The following FGF14 variants were observed in gnomAD, a reference collection of about 807,000 sequenced individuals.
FGF14 encodes fibroblast growth factor homologous factor 4.
In FGF14, 5 loss-of-function variants were observed where a neutral mutation model predicts 25.5. The ratio of observed to expected loss-of-function variants is 0.20; its 90% CI spans 0.10 to 0.41. FGF14 has a LOEUF of 0.41. Among genes scored for constraint, FGF14 ranks in the 10% least tolerant of loss-of-function variants. The probability of loss-of-function intolerance (pLI) is 1.00; values close to 1 mark genes in which losing one functional copy is unlikely to be tolerated. For missense variants in FGF14, 222 were observed against 320.1 expected (o/e 0.69, Z 2.34); for synonymous variants, 138 against 118.3 (o/e 1.17, Z -1.08).
At chr13:101,764,029 C>T (rs1566871211) in intron 3 of FGF14, among the ~76,000 whole-genome samples, 1 of 152,096 alleles carries the variant, frequency 6.6e-6, no homozygotes, top group Non-Finnish European at 1.5e-5. Flanking sequence ...AAGTTAACCT[C>T]CCCAGAACAG....
intron 3 of FGF14, among the ~76,000 whole-genome samples, chr13:101,760,290 G>A (rs955799475): frequency 1.2e-4 from 18 of 152,136 alleles, no homozygotes; most frequent in African/African-American, 3.4e-4. Context: ...CTTACTCTAC[G>A]TTCACTGCTT....
intron 1 of FGF14, among the ~76,000 whole-genome samples, chr13:101,993,245 T>A (rs1470503311): frequency 6.7e-6 from 1 of 148,374 alleles, no homozygotes; most frequent in African/African-American, 2.5e-5. Context: ...GAATTCTATA[T>A]CCTGAAAAAT....
At chr13:102,199,090 G>T (rs1419438700) in intron 1 of FGF14, among the ~76,000 whole-genome samples, 2 of 152,180 alleles carry the variant, frequency 1.3e-5, no homozygotes, top group Non-Finnish European at 2.9e-5. Flanking sequence ...TTTAAAGTTT[G>T]TAAAGATGTG....
chr13:101,935,192 G>A (rs1276779404), intron 1 of FGF14, among the ~76,000 whole-genome samples: 3 of 152,192 alleles, frequency 2.0e-5, no homozygotes, highest in African/African-American at 7.2e-5. Flanking sequence ...ATGAGGCTTA[G>A]GCCAATGTAA....
At chr13:101,756,603 CAT>C (rs1173714206) in intron 3 of FGF14, among the ~76,000 whole-genome samples, 2 of 152,110 alleles carry the variant, frequency 1.3e-5, no homozygotes, top group East Asian at 3.9e-4. Context: ...TGCGGTGGCA[CAT>C]GCCTGTAATC....
chr13:101,947,061 C>T (rs1447769226), intron 1 of FGF14, among the ~76,000 whole-genome samples: 1 of 152,028 alleles, frequency 6.6e-6, no homozygotes, highest in Non-Finnish European at 1.5e-5. Context: ...AGAAGACATA[C>T]AAGTGGCTAG....
chr13:102,312,222 C>CAAAAA (rs34575465), intron 1 of FGF14, among the ~76,000 whole-genome samples: 5 of 96,956 alleles, frequency 5.2e-5, no homozygotes, highest in Non-Finnish European at 6.8e-5. Context: ...AGACCTAAAC[C>CAAAAA]AAAAAAAAAA....
rs182690505 is a variant in FGF14, at chr13:101,816,500, T to C, written c.408+52225A>G. Among the ~76,000 whole-genome samples, 275 of 152,236 alleles carry C rather than the reference T, an allele frequency of 1.8e-3. 1 individual carries two copies. The highest frequency in any genetic ancestry group is 6.2e-3 in the African/African-American group (259 of 41,550). Reference sequence around the variant, plus strand: ...AAATATAATTACCTGGGTCACTGTTTTGATCTGTGATTTAATAAAACAAAA... The same window carrying C: ...AAATATAATTACCTGGGTCACTGTTCTGATCTGTGATTTAATAAAACAAAA... On this transcript the variant is annotated intron_variant, in intron 3 of 4. Coordinates refer to ENST00000376143, the MANE Select transcript of FGF14 (RefSeq NM_004115.4).
intron 1 of FGF14, among the ~76,000 whole-genome samples, chr13:102,277,770 T>G (rs909659195): frequency 2.0e-5 from 3 of 152,248 alleles, no homozygotes; most frequent in African/African-American, 7.2e-5. Context: ...TGCCACATGT[T>G]GACATCCATT....
intron 1 of FGF14, among the ~76,000 whole-genome samples, chr13:102,326,097 T>A (rs975694386): frequency 6.6e-6 from 1 of 152,200 alleles, no homozygotes; most frequent in African/African-American, 2.4e-5. Flanking sequence ...TCACTATGAG[T>A]ATTGTTCAAT....
chr13:102,091,786 TAG>T (rs1478988339), intron 1 of FGF14, among the ~76,000 whole-genome samples: 1 of 152,098 alleles, frequency 6.6e-6, no homozygotes, highest in Non-Finnish European at 1.5e-5. Context: ...CACAATACCT[TAG>T]AGTTTCTTTT....
intron 1 of FGF14, among the ~76,000 whole-genome samples, chr13:102,191,280 T>C (rs985704071): frequency 7.2e-5 from 11 of 152,222 alleles, no homozygotes; most frequent in Admixed American, 2.0e-4. Flanking sequence ...GGTGAATGAA[T>C]TGTCCATAGG....
At chr13:101,969,359 C>A (rs942085222) in intron 1 of FGF14, among the ~76,000 whole-genome samples, 1 of 152,026 alleles carries the variant, frequency 6.6e-6, no homozygotes, top group Non-Finnish European at 1.5e-5. Context: ...GTCAGGAGAT[C>A]GAGACCATCC....
At chr13:101,825,278 T>G (rs1222472941) in intron 3 of FGF14, among the ~76,000 whole-genome samples, 4 of 152,130 alleles carry the variant, frequency 2.6e-5, no homozygotes, top group Admixed American at 2.6e-4. Context: ...ATCATAGGAC[T>G]CCCGTTTGTA....
At chr13:102,265,301 A>G (rs2052933594) in intron 1 of FGF14, among the ~76,000 whole-genome samples, 1 of 152,188 alleles carries the variant, frequency 6.6e-6, no homozygotes, top group Non-Finnish European at 1.5e-5. Context: ...GCTCAGAAAC[A>G]GAACTGCCAG....
chr13:102,132,141 G>T (rs1375616715), intron 1 of FGF14, among the ~76,000 whole-genome samples: 1 of 152,126 alleles, frequency 6.6e-6, no homozygotes, highest in East Asian at 1.9e-4. Context: ...GGTCTCCTAT[G>T]TGGGAATGGG....
At chr13:102,076,762 CA>C (rs936072837) in intron 1 of FGF14, among the ~76,000 whole-genome samples, 1 of 151,510 alleles carries the variant, frequency 6.6e-6, no homozygotes, top group Non-Finnish European at 1.5e-5. Flanking sequence ...CAGAAATATC[CA>C]AAAAAAATCT....
chr13:102,307,932 T>C (rs2055489559), intron 1 of FGF14, among the ~76,000 whole-genome samples: 1 of 152,052 alleles, frequency 6.6e-6, no homozygotes, highest in South Asian at 2.1e-4. Flanking sequence ...AGCACCCCAT[T>C]TTCAGATAAG....
At position 102,132,132 on chromosome 13, in the gene FGF14, G is replaced by T. The variant is rs537026830; in HGVS notation, c.209-256836C>A. Among the ~76,000 whole-genome samples the T allele has an allele frequency of 2.4e-4, 36 of 152,214 alleles. 1 individual carries two copies. The East Asian group carries it at 6.8e-3, about 29-fold the overall frequency. On this transcript the variant is annotated intron_variant, in intron 1 of 4. Transcript: ENST00000376131. ...GACACAAATGGGAATGTTTTCCATG[G>T]TCTCCTATGTGGGAATGGGGAGTTG...
Sources: gnomAD v4.1 joint callset for allele counts (sites outside exome capture counted in the v4.1 genomes callset) on GRCh38, gnomAD v4.1.1 for gene constraint, MANE v1.5 for transcripts, NCBI Gene and HGNC (gene_info 2026-07-23, HGNC 2026-07-21) for gene names.